HMCN1: variants seen among roughly 807,000 people sequenced by gnomAD.
The protein encoded by HMCN1 is hemicentin-1.
Under a neutral mutation model 625.9 loss-of-function variants are expected in HMCN1, and 321 were observed. That is an observed-to-expected ratio of 0.51 (90% confidence interval 0.47 to 0.56). HMCN1 has a LOEUF of 0.56. Ranked by LOEUF, HMCN1 falls within the 20% of genes least tolerant of loss-of-function variation. The pLI is 0.00. For synonymous variants in HMCN1, 2,425 were observed against 2,417.6 expected (o/e 1.00, Z -0.09); for missense variants, 6,588 against 6,887.3 (o/e 0.96, Z 1.54).
intron 80 of HMCN1, among the ~76,000 whole-genome samples, chr1:186,121,056 A>G (rs943138364): frequency 3.9e-5 from 6 of 152,182 alleles, no homozygotes. Flanking sequence ...ATGAGCTAGG[A>G]TAAGCCATGG....
Position 185,923,417 on chromosome 1 carries a change from C to T in HMCN1, c.1049C>T (p.Thr350Ile). ...ATACCTACCTATGTACTGCTCAATA[C>T]TTCTGGAATTTCCACTCCAGCTAGA... ...QGIPTYVLLN[T>I]SGISTPARID... Residue 350 changes from threonine (T) to isoleucine (I), a missense_variant, in exon 8 of 107, where the codon ACT becomes ATT. Transcript: ENST00000271588. The T allele has an allele frequency of 1.2e-6, 2 of 1,610,424 alleles. No homozygotes were observed. Among genetic ancestry groups the T allele is most frequent in the Non-Finnish European group, 1.7e-6 (2 of 1,177,230 alleles).
At chr1:186,068,703 T>TA (rs901361364) in intron 50 of HMCN1, among the ~76,000 whole-genome samples, 1 of 151,366 alleles carries the variant, frequency 6.6e-6, no homozygotes, top group African/African-American at 2.4e-5. Context: ...CTGTCCCTAC[T>TA]AAAAAAATAC....
intron 1 of HMCN1, among the ~76,000 whole-genome samples, chr1:185,750,583 T>C (rs1313422535): frequency 6.6e-6 from 1 of 152,166 alleles, no homozygotes; most frequent in Non-Finnish European, 1.5e-5. Context: ...TCTCTAATGG[T>C]ACTGTTTGCT....
chr1:185,989,109 G>A (rs533896404), intron 20 of HMCN1, among the ~76,000 whole-genome samples: 6 of 146,860 alleles, frequency 4.1e-5, no homozygotes, highest in African/African-American at 1.3e-4. Flanking sequence ...CCGGGTTCAC[G>A]CCATTCTCCT....
chr1:186,135,951 C>G (rs1038173573), intron 86 of HMCN1, among the ~76,000 whole-genome samples: 1 of 152,186 alleles, frequency 6.6e-6, no homozygotes, highest in Non-Finnish European at 1.5e-5. Context: ...GCATCCACCA[C>G]AATGCCTGGC....
At chr1:186,117,670 T>C (rs201583899) in intron 77 of HMCN1, 47 bp downstream of exon 77, 1 of 1,544,618 alleles carries the variant, frequency 6.5e-7, no homozygotes, top group East Asian at 2.2e-5. Flanking sequence ...GTATTATTTA[T>C]TGATGCATAT....
At chr1:185,821,189 C>G (rs1056138301) in intron 1 of HMCN1, among the ~76,000 whole-genome samples, 3 of 150,946 alleles carry the variant, frequency 2.0e-5, no homozygotes, top group Admixed American at 6.6e-5. Context: ...TATTGTGTAC[C>G]TTTTTGGTAC....
At chr1:186,058,604 G>A (rs1358748801) in intron 46 of HMCN1, among the ~76,000 whole-genome samples, 2 of 151,774 alleles carry the variant, frequency 1.3e-5, no homozygotes, top group Non-Finnish European at 2.9e-5. Flanking sequence ...GGATTATGTT[G>A]TTTTTTTCTA....
At chr1:185,806,806 A>T (rs1412758067) in intron 1 of HMCN1, among the ~76,000 whole-genome samples, 1 of 152,146 alleles carries the variant, frequency 6.6e-6, no homozygotes, top group Non-Finnish European at 1.5e-5. Flanking sequence ...TAAAATGCCC[A>T]CTGTGTTTTT....
At chr1:185,769,290 A>G (rs964127911) in intron 1 of HMCN1, among the ~76,000 whole-genome samples, 3 of 151,980 alleles carry the variant, frequency 2.0e-5, no homozygotes, top group Non-Finnish European at 4.4e-5. Flanking sequence ...TTTAAAAAAA[A>G]TGAAAAAATT....
In HMCN1 at chr1:186,174,638, C is replaced by T; in HGVS notation, c.15939C>T (p.Cys5313=). The change falls in exon 103 of 107, where the codon TGC becomes TGT. Residue 5313 remains cysteine, a synonymous_variant. Coordinates refer to ENST00000271588, the MANE Select transcript of HMCN1 (RefSeq NM_031935.3). The part of the protein sequence containing the change: ...GYRSQGVGRP[C]MDINECEQVP... ...GGTCTCAAGGAGTTGGAAGACCCTG[C>T]ATGGGTAAGTTAATAGGAACTTGTT... 1.9e-6 allele frequency: 3 copies of T among 1,613,962 alleles called. No homozygotes were observed. Among genetic ancestry groups the T allele is most frequent in the Non-Finnish European group, 2.5e-6 (3 of 1,179,886 alleles).
intron 16 of HMCN1, chr1:185,978,258 A>G (rs989516745): frequency 1.7e-4 from 57 of 343,200 alleles, no homozygotes; most frequent in African/African-American, 1.1e-3. Flanking sequence ...AAATAGAGTC[A>G]TCTGAGCCTT....
At chr1:186,167,620 A>G (rs1451253555) in intron 100 of HMCN1, among the ~76,000 whole-genome samples, 1 of 152,176 alleles carries the variant, frequency 6.6e-6, no homozygotes, top group African/African-American at 2.4e-5. Flanking sequence ...TGCCCTCAAC[A>G]TTCTCTGTTC....
intron 1 of HMCN1, among the ~76,000 whole-genome samples, chr1:185,781,638 T>C (rs1346004578): frequency 1.3e-5 from 2 of 152,226 alleles, no homozygotes; most frequent in African/African-American, 4.8e-5. Context: ...GTTGTTCAGT[T>C]TCCATGTAGT....
rs1571379902 is a variant in HMCN1 at position 186,120,074 on chromosome 1, C to T, written c.12158C>T (p.Ala4053Val). Residue 4053 changes from alanine (A) to valine (V), a missense_variant, in exon 80 of 107, where the codon GCT becomes GTT. Around this residue, in one of 3 missense-constraint regions of HMCN1, gnomAD observed 1,954 missense variants for 2,013.1 expected, o/e 0.97. Coordinates refer to ENST00000271588, the MANE Select transcript of HMCN1 (RefSeq NM_031935.3). ...ATCTCCAGAGCTGTCCGAGAGGATG[C>T]TGGCACTTACATGTGTGTGGCCCAG... ...LQISRAVRED[A>V]GTYMCVAQNP... 5.6e-6 allele frequency: 9 copies of T among 1,613,916 alleles called. No homozygotes were observed. Among genetic ancestry groups the T allele is most frequent in the Non-Finnish European group, 7.6e-6 (9 of 1,179,968 alleles).
rs1232899719 is a variant in HMCN1 at position 186,039,874 on chromosome 1, T to G, written c.6175T>G (p.Leu2059Val). The change falls in exon 39 of 107, where the codon TTA (leucine) becomes GTA (valine). Residue 2059 changes from leucine to valine, a missense_variant. This residue lies in a region of HMCN1 where 4,628 missense variants were observed against 4,853.1 expected (regional missense o/e 0.95). Coordinates refer to ENST00000271588, the MANE Select transcript of HMCN1 (RefSeq NM_031935.3). ...GSPVSSFSNG[L>V]QVLSGGRILA... is the part of the protein sequence containing the mutation. The stretch of plus-strand genomic sequence containing the variant: ...TCCTGTTTCTAGTTTTTCTAATGGA[T>G]TACAGGTACCTTCATTCATTTCTTT... The G allele has an allele frequency of 6.2e-7, 1 of 1,613,108 alleles. No individual in the cohort carries two copies. Among genetic ancestry groups the G allele is most frequent in the Admixed American group, 1.7e-5 (1 of 59,938 alleles).
At chr1:185,806,948 A>G (rs1274161305) in intron 1 of HMCN1, among the ~76,000 whole-genome samples, 6 of 152,174 alleles carry the variant, frequency 3.9e-5, no homozygotes, top group Admixed American at 3.9e-4. Flanking sequence ...TCATTTAATG[A>G]AACAGTTGAA....
rs1412824386 is a variant in HMCN1, at chr1:185,865,964, C to A, written c.621+101C>A. 45 of 1,206,014 alleles carry A rather than the reference C, an allele frequency of 3.7e-5. 1 individual carries two copies. The highest frequency in any genetic ancestry group is 5.2e-5 in the Non-Finnish European group (43 of 830,094). The allele number at this position is 1,206,014 out of a possible 1,614,324, so 74.7% of individuals were successfully genotyped here. On this transcript the variant is annotated intron_variant, in intron 4 of 106. Coordinates refer to ENST00000271588, the MANE Select transcript of HMCN1 (RefSeq NM_031935.3). ...GATTTGATTTCAAAAACAATTTTAA[C>A]CAAAAGGTATAACTCCAAGGCCACA...
chr1:185,962,844 G>A (rs1372305569), intron 12 of HMCN1, among the ~76,000 whole-genome samples, 185 bp downstream of exon 12: 1 of 152,076 alleles, frequency 6.6e-6, no homozygotes, highest in Non-Finnish European at 1.5e-5. Context: ...TAAAGTTTGA[G>A]GTTATTGAGT....
Sources: gnomAD v4.1 joint callset for allele counts (sites outside exome capture counted in the v4.1 genomes callset) on GRCh38, gnomAD v4.1.1 for gene constraint, gnomAD v4.1.1 regional missense constraint, MANE v1.5 for transcripts, NCBI Gene and HGNC (gene_info 2026-07-23, HGNC 2026-07-21) for gene names.